The following ZNF446 variants were observed in gnomAD, a reference collection of about 807,000 sequenced individuals.
The protein encoded by ZNF446 is zinc finger protein with KRAB and SCAN domains 20.
ZNF446 carries 42 observed loss-of-function variants against 34.0 expected under a neutral mutation model. The ratio of observed to expected loss-of-function variants is 1.23; its 90% confidence interval spans 0.96 to 1.60. The LOEUF (loss-of-function observed/expected upper bound fraction) is 1.60. ZNF446 is among the 40% of genes most tolerant of loss of function. The pLI, the probability that ZNF446 is intolerant of heterozygous loss-of-function variation, is 0.00. For missense variants in ZNF446, 650 were observed against 600.2 expected, an observed-to-expected ratio of 1.08 and a Z score of -0.87; for synonymous variants, 315 against 251.0, an observed-to-expected ratio of 1.25 and a Z score of -2.41.
At position 58,478,196 on chromosome 19, in the gene ZNF446, G is replaced by C; in HGVS notation, c.627+15G>C. 6.2e-7 allele frequency: 1 copy of C among 1,612,278 alleles called. No homozygotes were observed. The highest frequency in any genetic ancestry group is 2.2e-5 in the East Asian group (1 of 44,882). Reference sequence around the variant, plus strand: ...CCAGGATTCAGGTGAGCAGCCCCAAGTGGGAAGTATAGGCCCCAGGTGTGA... The same window carrying C: ...CCAGGATTCAGGTGAGCAGCCCCAACTGGGAAGTATAGGCCCCAGGTGTGA... On this transcript the variant is annotated intron_variant, in intron 4 of 6. Coordinates refer to ENST00000594369, the MANE Select transcript of ZNF446 (RefSeq NM_017908.4).
rs761302812 is a variant in ZNF446, at chr19:58,479,624, T to C, written c.628-19T>C. 1.2e-6 allele frequency: 2 copies of C among 1,612,630 alleles called. No individual in the cohort carries two copies. Among genetic ancestry groups the C allele is most frequent in the Non-Finnish European group, 1.7e-6 (2 of 1,179,488 alleles). On this transcript the variant is annotated intron_variant, in intron 4 of 6. Coordinates refer to ENST00000594369, the MANE Select transcript of ZNF446 (RefSeq NM_017908.4). ...GGAAGGGGTGGAAAGACGCCTACAGTGATGGGCCACATCCGCAGGAGGAGT... is the reference window on the plus strand; with the variant it reads ...GGAAGGGGTGGAAAGACGCCTACAGCGATGGGCCACATCCGCAGGAGGAGT...
At chr19:58,485,343 T>C (rs1265002702), downstream of ZNF446, among the ~76,000 whole-genome samples, 2 of 116,162 alleles carry the variant, frequency 1.7e-5, no homozygotes, top group East Asian at 2.4e-4. Flanking sequence ...CTACTAAAAA[T>C]ACAAAAAAAA....
chr19:58,482,455 A>G (rs1177898643), downstream of ZNF446, among the ~76,000 whole-genome samples: 1 of 151,994 alleles, frequency 6.6e-6, no homozygotes, highest in Non-Finnish European at 1.5e-5. Context: ...CTCTGAAAAC[A>G]AGGGGCATTT....
chr19:58,480,072 C>T lies in ZNF446; in HGVS notation c.802+53C>T, dbSNP rs1391584514. The T allele has an allele frequency of 1.2e-5, 18 of 1,556,962 alleles. No individual in the cohort carries two copies. In the Admixed American group the frequency reaches 1.3e-4, roughly 11 times the overall value. On this transcript the variant is annotated intron_variant, in intron 6 of 6. Transcript: ENST00000594369. The surrounding 1 kb of genome is among the most constrained non-coding windows in gnomAD (Gnocchi z 7.2). ...ATCACCCCTCCTGTATCGGTGGGAC[C>T]TGAGCCACCCACTCATGGGGGGACG...
chr19:58,487,091 G>A, the ZNF446 span, among the ~76,000 whole-genome samples: 136 of 152,136 alleles, frequency 8.9e-4, 1 homozygote, highest in Middle Eastern at 0.01. Flanking sequence ...GCGCCTGGCC[G>A]AAAATGATTT....
intron 3 of ZNF446, 39 bp downstream of exon 3, chr19:58,477,865 A>T (rs1027093097): frequency 2.7e-6 from 4 of 1,489,604 alleles, no homozygotes; most frequent in Admixed American, 2.5e-5. Flanking sequence ...GGACTCCTGG[A>T]GGAAGTGTGG....
intron 3 of ZNF446, 34 bp downstream of exon 3, chr19:58,477,860 C>T (rs562733884): frequency 6.7e-7 from 1 of 1,495,310 alleles, no homozygotes; most frequent in East Asian, 2.4e-5. Context: ...ATGAGGGACT[C>T]CTGGAGGAAG....
chr19:58,482,333 G>A (rs935490247), downstream of ZNF446, among the ~76,000 whole-genome samples: 2 of 151,928 alleles, frequency 1.3e-5, no homozygotes, highest in Non-Finnish European at 2.9e-5. Context: ...TCCCCTACCT[G>A]CACACTTAGT....
In ZNF446 at chr19:58,480,333, G is replaced by C. The variant is rs775727357; in HGVS notation, c.960G>C (p.Thr320=). The C allele has an allele frequency of 3.1e-6, 5 of 1,592,230 alleles. No homozygotes were observed. In the African/African-American group the frequency reaches 6.7e-5, roughly 21 times the overall value. Residue 320 remains threonine (T), a synonymous_variant, in exon 7 of 7, where the codon ACG becomes ACC. Coordinates refer to ENST00000594369, the MANE Select transcript of ZNF446 (RefSeq NM_017908.4). This position sits in a 1 kb window ranked among gnomAD's most constrained non-coding sequence, Gnocchi z 7.2. ...CCACTCAGCCCACACCTGCAGAGACGAGACTGGAGCCGGCTGCCACCCCCA... is the reference window on the plus strand; with the variant it reads ...CCACTCAGCCCACACCTGCAGAGACCAGACTGGAGCCGGCTGCCACCCCCA... ...PVPTQPTPAE[T]RLEPAATPRK...
At chr19:58,484,581 C>G (rs151212453), downstream of ZNF446, among the ~76,000 whole-genome samples, 41 of 151,958 alleles carry the variant, frequency 2.7e-4, no homozygotes, top group East Asian at 7.7e-3. Flanking sequence ...CCTGTAAGCC[C>G]AGCACTTTGG....
chr19:58,480,279 C>A lies in ZNF446; in HGVS notation c.906C>A (p.Pro302=), dbSNP rs986716499. The change falls in exon 7 of 7, where the codon CCC becomes CCA. Residue 302 remains proline, a synonymous_variant. Transcript: ENST00000594369. This position sits in a 1 kb window ranked among gnomAD's most constrained non-coding sequence, Gnocchi z 7.2. ...EGLSGAATPA[P]TVRPGTPPVP... ...TGTCTGGGGCTGCCACTCCTGCCCCCACTGTGCGCCCAGGGACACCGCCAG... is the reference window on the plus strand; with the variant it reads ...TGTCTGGGGCTGCCACTCCTGCCCCAACTGTGCGCCCAGGGACACCGCCAG... 5 of 1,578,216 alleles carry A rather than the reference C, an allele frequency of 3.2e-6. No individual in the cohort carries two copies. Among genetic ancestry groups the A allele is most frequent in the Non-Finnish European group, 4.3e-6 (5 of 1,164,294 alleles).
At chr19:58,478,272 T>G in intron 4 of ZNF446, 91 bp downstream of exon 4, 1 of 1,203,564 alleles carries the variant, frequency 8.3e-7, no homozygotes, top group South Asian at 1.5e-5. Flanking sequence ...TCCAGGCTCC[T>G]TGACTAGTGG....
rs200481895 is a variant in ZNF446, at chr19:58,480,428, G to A, written c.1055G>A (p.Arg352Gln). The A allele has an allele frequency of 1.8e-4, 297 of 1,612,474 alleles. No individual in the cohort carries two copies. The Middle Eastern group carries it at 2.0e-3, about 11-fold the overall frequency. Residue 352 changes from arginine (R) to glutamine (Q), a missense_variant, in exon 7 of 7, where the codon CGG becomes CAG. Arg to Gln is a conservative substitution (Grantham distance 43). Coordinates refer to ENST00000594369, the MANE Select transcript of ZNF446 (RefSeq NM_017908.4). The surrounding 1 kb of genome is among the most constrained non-coding windows in gnomAD (Gnocchi z 7.2). ...DWKSVFVIHH[R>Q]THTSGPGVQS... ...AAGTCAGTGTTCGTCATCCACCACC[G>A]GACACACACGAGTGGGCCAGGTGTG...
the ZNF446 span, among the ~76,000 whole-genome samples, chr19:58,488,727 T>A: frequency 1.3e-5 from 2 of 151,692 alleles, no homozygotes; most frequent in Non-Finnish European, 2.9e-5. Flanking sequence ...AGCAGGCACC[T>A]GTAGTCCCAG....
downstream of ZNF446, among the ~76,000 whole-genome samples, chr19:58,484,271 TAAAAAA>T (rs34356403): frequency 3.0e-5 from 2 of 66,548 alleles, no homozygotes; most frequent in African/African-American, 5.8e-5. Flanking sequence ...ACCCCATCTC[TAAAAAA>T]AAAAAAAAAA....
chr19:58,486,163 G>A (rs866082266), downstream of ZNF446, among the ~76,000 whole-genome samples: 6 of 144,240 alleles, frequency 4.2e-5, no homozygotes, highest in East Asian at 1.0e-3. Context: ...GTGTGATCTC[G>A]GCTCACTGCA....
rs754682385 is a variant in ZNF446 at position 58,480,211 on chromosome 19, G to A, written c.838G>A (p.Ala280Thr). Residue 280 changes from alanine (A) to threonine (T), a missense_variant, in exon 7 of 7, where the codon GCC (alanine) becomes ACC (threonine). Coordinates refer to ENST00000594369, the MANE Select transcript of ZNF446 (RefSeq NM_017908.4). The surrounding 1 kb of genome is among the most constrained non-coding windows in gnomAD (Gnocchi z 7.2). ...ESEGPPGCPE[A>T]QPPQGPGPAA... is the part of the protein sequence containing the mutation. ...TGAGGGTCCACCTGGCTGCCCAGAG[G>A]CCCAGCCGCCCCAGGGCCCAGGGCC... 1 of 1,596,280 alleles carries A rather than the reference G, an allele frequency of 6.3e-7. No individual in the cohort carries two copies. The highest frequency in any genetic ancestry group is 1.7e-5 in the Admixed American group (1 of 59,714).
chr19:58,484,932 C>A (rs967526177), downstream of ZNF446, among the ~76,000 whole-genome samples: 2 of 152,000 alleles, frequency 1.3e-5, no homozygotes, highest in African/African-American at 4.8e-5. Flanking sequence ...GTGGTGCACG[C>A]CTGTTGTCCC....
Position 58,477,644 on chromosome 19 carries a change from C to T in ZNF446, c.350C>T (p.Ala117Val), listed in dbSNP as rs1600007922. Residue 117 changes from alanine to valine, a missense_variant, in exon 3 of 7, where the codon GCC becomes GTC. Ala to Val is a moderately conservative substitution (Grantham distance 64). Transcript: ENST00000594369. ...DPGQLLGWIT[A>V]HVLKQEVLPA... Reference sequence around the variant, plus strand: ...CCTACCTCTTCTCCTCAGATCACAGCCCATGTCCTGAAGCAGGAGGTGCTC... The same window carrying T: ...CCTACCTCTTCTCCTCAGATCACAGTCCATGTCCTGAAGCAGGAGGTGCTC... 9.9e-6 allele frequency: 16 copies of T among 1,613,810 alleles called. No homozygotes were observed. Among genetic ancestry groups the T allele is most frequent in the Non-Finnish European group, 1.4e-5 (16 of 1,180,032 alleles).
Sources: allele counts gnomAD v4.1 joint callset (sites outside exome capture counted in the v4.1 genomes callset), GRCh38; gene constraint gnomAD v4.1.1; non-coding constraint Gnocchi (gnomAD v3.1); transcripts MANE v1.5; gene names NCBI Gene and HGNC (gene_info 2026-07-23, HGNC 2026-07-21).